Variants in PLXNA2 observed in about 807,000 individuals in gnomAD.
PLXNA2 encodes the protein plexin A2, also known as plexin-A2.
Under a neutral mutation model 193.5 loss-of-function variants are expected in PLXNA2, and 91 were observed. The ratio of observed to expected loss-of-function variants is 0.47; its 90% CI spans 0.40 to 0.56. The LOEUF (loss-of-function observed/expected upper bound fraction) is 0.56, where lower values mean the gene tolerates loss of function less well. Among genes scored for constraint, PLXNA2 ranks in the 20% least tolerant of loss-of-function variants. The pLI is 0.00. For missense variants in PLXNA2, 1,995 were observed against 2,503.2 expected (o/e 0.80, Z 4.33); for synonymous variants, 997 against 1,027.3 (o/e 0.97, Z 0.56).
Position 208,163,698 on chromosome 1 carries a change from C to T in PLXNA2, c.1372-21235G>A, listed in dbSNP as rs541485760. On this transcript the variant is annotated intron_variant, in intron 3 of 31. Transcript: ENST00000367033. ...TTCTGGTTCCCTAGTTACAGGTTCC[C>T]ATGCTGCTTATTGAACTTTGGACAT... 4.6e-5 allele frequency among the ~76,000 whole-genome samples: 7 copies of T among 152,314 alleles called. 1 individual carries two copies. Among genetic ancestry groups the T allele is most frequent in the African/African-American group, 1.7e-4 (7 of 41,556 alleles).
chr1:208,140,919 A>AAGG (rs1668438912), intron 4 of PLXNA2, among the ~76,000 whole-genome samples: 1 of 152,212 alleles, frequency 6.6e-6, no homozygotes, highest in Non-Finnish European at 1.5e-5. Flanking sequence ...GTTCCCAATA[A>AAGG]ATATGTGCCC....
At chr1:208,174,823 C>T (rs944637189) in intron 3 of PLXNA2, among the ~76,000 whole-genome samples, 11 of 152,216 alleles carry the variant, frequency 7.2e-5, no homozygotes, top group South Asian at 2.1e-4. Context: ...CTCAAGTTCA[C>T]GACTGCAAAG....
intron 3 of PLXNA2, among the ~76,000 whole-genome samples, chr1:208,200,748 G>A (rs548216768): frequency 3.3e-4 from 50 of 151,948 alleles, no homozygotes; most frequent in African/African-American, 1.2e-3. Flanking sequence ...GCAGGCATCC[G>A]CCACCAGGCC....
At position 208,086,948 on chromosome 1, in the gene PLXNA2, ACTCTCTCTCT is replaced by A. The variant is rs59683728; in HGVS notation, c.2098-2378_2098-2369del. On this transcript the variant is annotated intron_variant, in intron 9 of 31. Transcript: ENST00000367033. ...GCTGGGGTATAATGGTCTCTCTCGC[ACTCTCTCTCT>A]CTCTCTCTCTCTCTCTCTCTCTGTG... Among the ~76,000 whole-genome samples the A allele has an allele frequency of 9.0e-4, 121 of 134,642 alleles. 5 individuals carry two copies. The South Asian group carries it at 0.029, about 32-fold the overall frequency. The allele number at this position is 134,642 out of a possible 152,430, so 88.3% of individuals were successfully genotyped here.
At chr1:208,152,675 ACACACACG>A (rs1194669158) in intron 3 of PLXNA2, among the ~76,000 whole-genome samples, 10 of 114,726 alleles carry the variant, frequency 8.7e-5, no homozygotes, top group African/African-American at 2.4e-4. Context: ...ACATACACAC[ACACACACG>A]CACACACACA....
rs1451884186 is a variant in PLXNA2 at position 208,052,100 on chromosome 1, C to T, written c.2993+227G>A. 1.2e-4 allele frequency among the ~76,000 whole-genome samples: 18 copies of T among 152,172 alleles called. 1 individual carries two copies. The highest frequency in any genetic ancestry group is 1.5e-5 in the Non-Finnish European group (1 of 68,028). ...CCTCCTCCATCTGGTGTTCTCATGG[C>T]CCTCACTTCTCATTATTTTTAGAAG... On this transcript the variant is annotated intron_variant, in intron 15 of 31. Coordinates refer to ENST00000367033, the MANE Select transcript of PLXNA2 (RefSeq NM_025179.4).
intron 29 of PLXNA2, chr1:208,029,589 A>C (rs1048644542): frequency 1.0e-6 from 1 of 990,706 alleles, no homozygotes; most frequent in Non-Finnish European, 1.2e-6. Context: ...CCCTGGGGGA[A>C]GTTCTTTCAT....
intron 1 of PLXNA2, 173 bp from the exon 2 acceptor site, chr1:208,218,175 C>T (rs879116363): frequency 9.8e-6 from 6 of 610,002 alleles, no homozygotes; most frequent in African/African-American, 9.2e-5. Context: ...TCAGGGAATC[C>T]TGTTATCTAT....
At chr1:208,088,224 G>A (rs1241528603) in intron 9 of PLXNA2, among the ~76,000 whole-genome samples, 1 of 152,226 alleles carries the variant, frequency 6.6e-6, no homozygotes, top group Non-Finnish European at 1.5e-5. Context: ...AAACACAGCT[G>A]CAGGGAGAGC....
intron 4 of PLXNA2, among the ~76,000 whole-genome samples, chr1:208,112,447 TTGA>T (rs2102434058): frequency 6.6e-6 from 1 of 152,332 alleles, no homozygotes; most frequent in South Asian, 2.1e-4. Flanking sequence ...AATGGTGACA[TTGA>T]TATCCATTTC....
chr1:208,034,942 A>G (rs906422377), intron 26 of PLXNA2, among the ~76,000 whole-genome samples: 2 of 152,230 alleles, frequency 1.3e-5, no homozygotes, highest in Non-Finnish European at 2.9e-5. Context: ...ATAATTTTTA[A>G]ATTGATTACA....
At position 208,166,644 on chromosome 1, in the gene PLXNA2, G is replaced by A. The variant is rs144624367; in HGVS notation, c.1372-24181C>T. Among the ~76,000 whole-genome samples the A allele has an allele frequency of 3.5e-3, 531 of 152,254 alleles. 2 individuals are homozygous for A. Among genetic ancestry groups the A allele is most frequent in the African/African-American group, 0.012 (514 of 41,514 alleles). On this transcript the variant is annotated intron_variant, in intron 3 of 31. Transcript: ENST00000367033. ...AAAAGAATGAGAGATAAAGTCCATG[G>A]GTTCCAGGGTGAGGAAAGGAAAATC... is the stretch of plus-strand genomic sequence containing the variant.
intron 3 of PLXNA2, among the ~76,000 whole-genome samples, chr1:208,204,690 C>T (rs1055665570): frequency 6.6e-6 from 1 of 152,170 alleles, no homozygotes; most frequent in Non-Finnish European, 1.5e-5. Context: ...TTCATGAGCA[C>T]CTAATGTGTA....
intron 8 of PLXNA2, 98 bp downstream of exon 8, chr1:208,095,931 C>T (rs1571910169): frequency 1.1e-6 from 1 of 894,346 alleles, no homozygotes; most frequent in Non-Finnish European, 1.9e-6. Flanking sequence ...GAGGTGACTA[C>T]AACGTGGTTC....
intron 3 of PLXNA2, among the ~76,000 whole-genome samples, chr1:208,156,820 T>C (rs1668953919): frequency 1.3e-5 from 2 of 152,208 alleles, no homozygotes; most frequent in South Asian, 4.1e-4. Flanking sequence ...AATTGCATTC[T>C]ATACTTGAAT....
chr1:208,215,619 G>A (rs551587643), intron 2 of PLXNA2, among the ~76,000 whole-genome samples: 3 of 151,246 alleles, frequency 2.0e-5, no homozygotes, highest in Admixed American at 1.3e-4. Flanking sequence ...TAGGTGAATA[G>A]ATGGATGGAT....
At chr1:208,095,829 A>G (rs1247958153) in intron 8 of PLXNA2, among the ~76,000 whole-genome samples, 200 bp downstream of exon 8, 1 of 152,176 alleles carries the variant, frequency 6.6e-6, no homozygotes, top group Non-Finnish European at 1.5e-5. Flanking sequence ...TTCAGAGACT[A>G]TAGAGAGTAA....
intron 2 of PLXNA2, among the ~76,000 whole-genome samples, chr1:208,211,806 C>A (rs996483908): frequency 2.0e-5 from 3 of 152,024 alleles, no homozygotes; most frequent in Admixed American, 2.0e-4. Flanking sequence ...TCTTGTAGGG[C>A]TCTTAAAGGG....
intron 3 of PLXNA2, among the ~76,000 whole-genome samples, chr1:208,155,029 G>A (rs781197519): frequency 1.3e-5 from 2 of 152,208 alleles, no homozygotes; most frequent in Non-Finnish European, 2.9e-5. Flanking sequence ...ATTCTTCAGG[G>A]GGACATGGGG....
Sources: allele counts gnomAD v4.1 joint callset (sites outside exome capture counted in the v4.1 genomes callset), GRCh38; gene constraint gnomAD v4.1.1; transcripts MANE v1.5; gene names NCBI Gene and HGNC (gene_info 2026-07-23, HGNC 2026-07-21).